Variants in LARGE1 observed in about 807,000 individuals in gnomAD.
LARGE1 encodes xylosyl- and glucuronyltransferase LARGE1.
Under a neutral mutation model 87.6 loss-of-function variants are expected in LARGE1, and 43 were observed. That is an observed-to-expected ratio of 0.49 (90% CI 0.38 to 0.63). The LOEUF (loss-of-function observed/expected upper bound fraction) is 0.63. Ranked by LOEUF, LARGE1 falls within the 30% of genes least tolerant of loss-of-function variation. LARGE1 has a pLI of 0.00. For synonymous variants in LARGE1, 434 were observed against 394.6 expected (o/e 1.10, Z -1.18); for missense variants, 802 against 1,000.2 (o/e 0.80, Z 2.67).
intron 7 of LARGE1, among the ~76,000 whole-genome samples, chr22:33,399,246 C>G (rs2065857881): frequency 6.6e-6 from 1 of 151,404 alleles, no homozygotes; most frequent in South Asian, 2.1e-4. Context: ...ACTTGGTTTT[C>G]TCTTCCTGTG....
At chr22:33,715,645 T>C (rs1307268054) in intron 2 of LARGE1, among the ~76,000 whole-genome samples, 3 of 152,190 alleles carry the variant, frequency 2.0e-5, no homozygotes, top group African/African-American at 7.2e-5. Flanking sequence ...CCCCAGAGCA[T>C]CTGCCTCTGA....
At chr22:33,441,065 T>C (rs1241502934) in intron 6 of LARGE1, among the ~76,000 whole-genome samples, 2 of 141,574 alleles carry the variant, frequency 1.4e-5, no homozygotes, top group Non-Finnish European at 3.0e-5. Flanking sequence ...TGCTATTTTG[T>C]TTGAACTTTT....
the LARGE1 span, among the ~76,000 whole-genome samples, chr22:33,134,416 G>T: frequency 6.6e-6 from 1 of 151,886 alleles, no homozygotes. Context: ...CCGCCACCAC[G>T]CCTGGCTAAT....
At chr22:33,605,231 A>G (rs956216078) in intron 4 of LARGE1, among the ~76,000 whole-genome samples, 3 of 152,118 alleles carry the variant, frequency 2.0e-5, no homozygotes, top group Non-Finnish European at 4.4e-5. Flanking sequence ...GTGCCAACCA[A>G]GCGGTTACTT....
At chr22:33,558,696 G>A (rs2077766689) in intron 6 of LARGE1, among the ~76,000 whole-genome samples, 1 of 152,304 alleles carries the variant, frequency 6.6e-6, no homozygotes, top group Middle Eastern at 3.4e-3. Flanking sequence ...GACAAGACCT[G>A]AAGAAACTTC....
chr22:33,536,914 C>T (rs2077060161), intron 6 of LARGE1, among the ~76,000 whole-genome samples: 1 of 152,232 alleles, frequency 6.6e-6, no homozygotes, highest in South Asian at 2.1e-4. Flanking sequence ...CGGGTTCAAG[C>T]GATTTTCCTG....
intron 11 of LARGE1, among the ~76,000 whole-genome samples, chr22:33,312,873 C>T (rs135019): frequency 0.21 from 32,067 of 152,114 alleles, 4,152 homozygotes; most frequent in East Asian, 0.52. Context: ...GAAGGAAACA[C>T]ATATGTGAAA....
At chr22:33,296,569 CTTTTTTTTTTTT>C (rs66851772) in intron 12 of LARGE1, among the ~76,000 whole-genome samples, 8 of 133,936 alleles carry the variant, frequency 6.0e-5, no homozygotes, top group Non-Finnish European at 1.3e-4. Context: ...TTTTTCTTTT[CTTTTTTTTTTTT>C]TTTTGAGATG....
intron 10 of LARGE1, among the ~76,000 whole-genome samples, chr22:33,335,102 T>C (rs1480976101): frequency 6.6e-6 from 1 of 152,184 alleles, no homozygotes; most frequent in Non-Finnish European, 1.5e-5. Flanking sequence ...TATGGGAGCC[T>C]TCTCCATGGA....
At chr22:33,650,751 A>T in intron 2 of LARGE1, 83 bp from the exon 3 acceptor site, 2 of 1,483,516 alleles carry the variant, frequency 1.3e-6, no homozygotes, top group Non-Finnish European at 1.8e-6. Context: ...ATCCCTTACT[A>T]CATGGCGAGG....
chr22:33,299,430 A>G (rs1284640510), intron 12 of LARGE1, among the ~76,000 whole-genome samples: 2 of 152,194 alleles, frequency 1.3e-5, no homozygotes, highest in Admixed American at 1.3e-4. Flanking sequence ...TGCCTGACAC[A>G]TAGTACATGC....
At chr22:33,493,401 T>C (rs529067776) in intron 6 of LARGE1, among the ~76,000 whole-genome samples, 90 of 152,156 alleles carry the variant, frequency 5.9e-4, no homozygotes, top group Non-Finnish European at 1.1e-3. Flanking sequence ...CCTCAGGTGA[T>C]CCTCCCACCT....
At chr22:33,231,365 AT>A (rs1401218791) in intron 11 of LARGE1, among the ~76,000 whole-genome samples, 3 of 152,206 alleles carry the variant, frequency 2.0e-5, no homozygotes, top group African/African-American at 7.2e-5. Flanking sequence ...CAGGGGTAAG[AT>A]ATTTGATTCC....
At chr22:33,774,535 T>C (rs1037939661) in intron 1 of LARGE1, among the ~76,000 whole-genome samples, 1 of 149,976 alleles carries the variant, frequency 6.7e-6, no homozygotes, top group Non-Finnish European at 1.5e-5. Context: ...TTTTGTATTT[T>C]TAGTAGAGAT....
chr22:33,675,156 T>C (rs1199407534), intron 2 of LARGE1, among the ~76,000 whole-genome samples: 3 of 151,312 alleles, frequency 2.0e-5, no homozygotes, highest in Non-Finnish European at 2.9e-5. Context: ...TAGCTGGGCA[T>C]GGTGGCGCAT....
chr22:33,275,686 G>A (rs979967494), intron 14 of LARGE1, among the ~76,000 whole-genome samples: 1 of 152,140 alleles, frequency 6.6e-6, no homozygotes, highest in Non-Finnish European at 1.5e-5. Flanking sequence ...AAGGTTAAGA[G>A]TATGTCTGGG....
intron 1 of LARGE1, among the ~76,000 whole-genome samples, chr22:33,903,810 C>T (rs901683811): frequency 2.0e-5 from 3 of 151,920 alleles, no homozygotes; most frequent in African/African-American, 4.8e-5. Context: ...GGTGACAGAG[C>T]GAGACTCCAT....
intron 1 of LARGE1, among the ~76,000 whole-genome samples, chr22:33,878,700 C>T (rs1314102431): frequency 6.6e-6 from 1 of 152,164 alleles, no homozygotes; most frequent in Non-Finnish European, 1.5e-5. Flanking sequence ...TGGTGCTCAA[C>T]ACTCATTTAC....
the LARGE1 span, among the ~76,000 whole-genome samples, chr22:33,154,314 C>G: frequency 1.3e-5 from 2 of 152,182 alleles, no homozygotes; most frequent in African/African-American, 4.8e-5. Flanking sequence ...GAACTCAGCT[C>G]ACTGAAACCT....
Sources: allele counts gnomAD v4.1 joint callset (sites outside exome capture counted in the v4.1 genomes callset), GRCh38; gene constraint gnomAD v4.1.1; transcripts MANE v1.5; gene names NCBI Gene and HGNC (gene_info 2026-07-23, HGNC 2026-07-21).